The following PPARGC1A variants were observed in gnomAD, a reference collection of about 807,000 sequenced individuals.
The protein encoded by PPARGC1A is peroxisome proliferator-activated receptor gamma coactivator 1-alpha.
A neutral mutation model predicts 88.7 loss-of-function variants in PPARGC1A; 25 were observed. That is an observed-to-expected ratio of 0.28 (90% confidence interval 0.21 to 0.39). PPARGC1A has a LOEUF of 0.39. Among genes scored for constraint, PPARGC1A ranks in the 10% least tolerant of loss-of-function variants. The pLI is 1.00. For missense variants in PPARGC1A, 880 were observed against 968.7 expected (o/e 0.91, Z 1.22); for synonymous variants, 363 against 355.6 (o/e 1.02, Z -0.24).
At chr4:24,031,741 A>G in the PPARGC1A span, among the ~76,000 whole-genome samples, 1 of 152,074 alleles carries the variant, frequency 6.6e-6, no homozygotes, top group Non-Finnish European at 1.5e-5. Context: ...GTCACCCCCA[A>G]CTGAGAACCA....
the PPARGC1A span, among the ~76,000 whole-genome samples, chr4:24,165,907 C>T: frequency 6.6e-6 from 1 of 152,116 alleles, no homozygotes; most frequent in Non-Finnish European, 1.5e-5. Context: ...GAAAGAGATG[C>T]ACGTCTCTCA....
the PPARGC1A span, among the ~76,000 whole-genome samples, chr4:23,950,192 C>T: frequency 6.6e-6 from 1 of 152,132 alleles, no homozygotes; most frequent in African/African-American, 2.4e-5. Context: ...TTCAAGAATA[C>T]TGATATAAAT....
intron 2 of PPARGC1A, among the ~76,000 whole-genome samples, chr4:23,835,645 G>A (rs1356721814): frequency 6.6e-6 from 1 of 152,102 alleles, no homozygotes; most frequent in Non-Finnish European, 1.5e-5. Flanking sequence ...TCACAGAGGT[G>A]CTCCAAGACC....
At chr4:24,400,089 G>A in the PPARGC1A span, among the ~76,000 whole-genome samples, 1 of 152,144 alleles carries the variant, frequency 6.6e-6, no homozygotes, top group Non-Finnish European at 1.5e-5. Context: ...CCTGGGGGAG[G>A]AATCTCTTTA....
At chr4:24,030,899 G>A in the PPARGC1A span, among the ~76,000 whole-genome samples, 1 of 152,154 alleles carries the variant, frequency 6.6e-6, no homozygotes. Context: ...AGTTGTTTGT[G>A]CCAGGCACTA....
At chr4:24,239,421 G>A in the PPARGC1A span, among the ~76,000 whole-genome samples, 1 of 152,182 alleles carries the variant, frequency 6.6e-6, no homozygotes, top group African/African-American at 2.4e-5. Flanking sequence ...CAAAATCACA[G>A]GCATCTGAGG....
At chr4:24,047,742 C>G in the PPARGC1A span, among the ~76,000 whole-genome samples, 4 of 152,166 alleles carry the variant, frequency 2.6e-5, no homozygotes, top group Admixed American at 1.3e-4. Flanking sequence ...AGCAAGTAAA[C>G]CAGGCCTATC....
chr4:24,174,230 C>T, the PPARGC1A span, among the ~76,000 whole-genome samples: 19 of 152,220 alleles, frequency 1.2e-4, no homozygotes, highest in East Asian at 1.7e-3. Context: ...TTCTAGGTGA[C>T]GGAAAGCCAT....
intron 2 of PPARGC1A, among the ~76,000 whole-genome samples, chr4:23,863,808 G>A (rs569852545): frequency 3.9e-5 from 6 of 152,234 alleles, no homozygotes; most frequent in Admixed American, 1.3e-4. Context: ...GTGCAGTGGC[G>A]CAATCTCAGC....
the PPARGC1A span, among the ~76,000 whole-genome samples, chr4:24,353,740 GTCT>G: frequency 2.0e-5 from 3 of 152,132 alleles, no homozygotes; most frequent in Non-Finnish European, 4.4e-5. Flanking sequence ...CATCATCCAA[GTCT>G]TCTGACATTC....
chr4:23,859,520 G>A (rs976740947), intron 2 of PPARGC1A, among the ~76,000 whole-genome samples: 1 of 152,112 alleles, frequency 6.6e-6, no homozygotes. Context: ...GGTGGCTCAC[G>A]CCTGTAATCC....
the PPARGC1A span, among the ~76,000 whole-genome samples, chr4:24,014,323 T>A: frequency 6.6e-6 from 1 of 152,168 alleles, no homozygotes; most frequent in Non-Finnish European, 1.5e-5. Context: ...AGCATGATGC[T>A]AAGGAGGCAG....
At chr4:23,951,913 G>T in the PPARGC1A span, among the ~76,000 whole-genome samples, 53 of 152,238 alleles carry the variant, frequency 3.5e-4, no homozygotes, top group East Asian at 3.3e-3. Context: ...AGCTCATGAT[G>T]AAAGGTAGTT....
chr4:23,809,207 T>C (rs1219901719), intron 10 of PPARGC1A, among the ~76,000 whole-genome samples: 1 of 152,180 alleles, frequency 6.6e-6, no homozygotes, highest in African/African-American at 2.4e-5. Flanking sequence ...TTAAAAATCA[T>C]TGCATGTATC....
At chr4:24,320,021 C>A in the PPARGC1A span, among the ~76,000 whole-genome samples, 1 of 151,972 alleles carries the variant, frequency 6.6e-6, no homozygotes, top group Admixed American at 6.6e-5. Context: ...CAGAAAATAC[C>A]GACATCAGAC....
the PPARGC1A span, chr4:24,091,709 A>G: frequency 1.3e-5 from 12 of 890,354 alleles, no homozygotes; most frequent in Non-Finnish European, 1.6e-5. Context: ...CAAATTTGGG[A>G]CACATGGGGC....
At chr4:24,369,660 C>T in the PPARGC1A span, among the ~76,000 whole-genome samples, 2 of 152,078 alleles carry the variant, frequency 1.3e-5, no homozygotes, top group African/African-American at 2.4e-5. Flanking sequence ...GAGCTGGGAG[C>T]GTGCCATGCT....
At chr4:24,368,652 C>A in the PPARGC1A span, among the ~76,000 whole-genome samples, 1 of 152,004 alleles carries the variant, frequency 6.6e-6, no homozygotes, top group African/African-American at 2.4e-5. Context: ...TTATACCACA[C>A]AAAATATGAA....
chr4:24,169,228 C>G, the PPARGC1A span, among the ~76,000 whole-genome samples: 1 of 152,126 alleles, frequency 6.6e-6, no homozygotes, highest in African/African-American at 2.4e-5. Flanking sequence ...GACCAGTCCT[C>G]CTCAAAACTC....
Sources: gnomAD v4.1 joint callset for allele counts (sites outside exome capture counted in the v4.1 genomes callset) on GRCh38, gnomAD v4.1.1 for gene constraint, MANE v1.5 for transcripts, NCBI Gene and HGNC (gene_info 2026-07-23, HGNC 2026-07-21) for gene names.